Variants in PCDHA1 observed in about 807,000 individuals in gnomAD.
PCDHA1 encodes the protein protocadherin alpha 1.
Under a neutral mutation model 61.3 loss-of-function variants are expected in PCDHA1, and 42 were observed. The ratio of observed to expected loss-of-function variants is 0.69; its 90% CI spans 0.54 to 0.89. The LOEUF (loss-of-function observed/expected upper bound fraction) is 0.89. PCDHA1 is among the 40% of genes least tolerant of loss of function. The pLI, the probability that PCDHA1 is intolerant of heterozygous loss-of-function variation, is 0.00. For synonymous variants in PCDHA1, 610 were observed against 553.8 expected (o/e 1.10, Z -1.43); for missense variants, 1,256 against 1,235.3 (o/e 1.02, Z -0.25).
Position 140,882,245 on chromosome 5 carries a change from G to C in PCDHA1, c.2394+93561G>C, listed in dbSNP as rs376978051. Reference sequence around the variant, plus strand: ...TAAGGCGTTGTATATATTGCAGATAGCTCTGAGGTTTTTGGAGTGTACCAT... The same window carrying C: ...TAAGGCGTTGTATATATTGCAGATACCTCTGAGGTTTTTGGAGTGTACCAT... On this transcript the variant is annotated intron_variant, in intron 1 of 3. Coordinates refer to ENST00000504120, the MANE Select transcript of PCDHA1 (RefSeq NM_018900.4). 82 of 1,592,614 alleles carry C rather than the reference G, an allele frequency of 5.1e-5. No homozygotes were observed. In the African/African-American group the frequency reaches 9.3e-4, roughly 18 times the overall value.
chr5:140,997,100 T>G (rs1286807919), intron 3 of PCDHA1, among the ~76,000 whole-genome samples: 1 of 152,170 alleles, frequency 6.6e-6, no homozygotes, highest in Non-Finnish European at 1.5e-5. Flanking sequence ...AGAGTTCTCA[T>G]GCACTCCTGC....
At chr5:141,001,702 G>C (rs2098033163) in intron 3 of PCDHA1, among the ~76,000 whole-genome samples, 1 of 152,194 alleles carries the variant, frequency 6.6e-6, no homozygotes, top group Non-Finnish European at 1.5e-5. Flanking sequence ...GGCGAAATAG[G>C]GGGCGGGGAA....
intron 1 of PCDHA1, among the ~76,000 whole-genome samples, chr5:140,838,070 T>C (rs1392729176): frequency 1.6e-5 from 2 of 127,666 alleles, no homozygotes; most frequent in Admixed American, 1.8e-4. Flanking sequence ...TTAAGTTATA[T>C]ATATATAGTG....
At chr5:140,899,948 C>A (rs2067639860) in intron 1 of PCDHA1, among the ~76,000 whole-genome samples, 1 of 151,682 alleles carries the variant, frequency 6.6e-6, no homozygotes, top group South Asian at 2.1e-4. Context: ...GCTGGGACCA[C>A]AGGCATGTGC....
chr5:140,911,445 A>C (rs1327839733), intron 1 of PCDHA1, among the ~76,000 whole-genome samples: 1 of 152,184 alleles, frequency 6.6e-6, no homozygotes, highest in Non-Finnish European at 1.5e-5. Context: ...CCGCAATTTC[A>C]GCTCTTTCTC....
At chr5:140,808,990 G>A (rs2879087) in intron 1 of PCDHA1, 28 of 1,613,530 alleles carry the variant, frequency 1.7e-5, no homozygotes, top group South Asian at 8.8e-5. Flanking sequence ...ATGCTGACTC[G>A]GGCTACAACG....
At chr5:140,889,626 TC>T (rs2062301507) in intron 1 of PCDHA1, among the ~76,000 whole-genome samples, 1 of 152,228 alleles carries the variant, frequency 6.6e-6, no homozygotes, top group African/African-American at 2.4e-5. Flanking sequence ...TCATTTCTCT[TC>T]TTTTCATTTG....
At chr5:140,951,685 T>C (rs1305310211) in intron 1 of PCDHA1, among the ~76,000 whole-genome samples, 4 of 152,140 alleles carry the variant, frequency 2.6e-5, no homozygotes, top group African/African-American at 9.7e-5. Flanking sequence ...GGGATTACAA[T>C]GTGACATGAG....
chr5:140,835,847 G>T (rs140727991), intron 1 of PCDHA1: 20 of 1,612,344 alleles, frequency 1.2e-5, no homozygotes, highest in Admixed American at 1.7e-5. Flanking sequence ...AGAAGAACGC[G>T]CTGGTGTCCT....
chr5:141,005,563 A>G (rs938722871), intron 3 of PCDHA1, among the ~76,000 whole-genome samples: 4 of 151,458 alleles, frequency 2.6e-5, no homozygotes, highest in East Asian at 1.9e-4. Context: ...TTAGCCGGGC[A>G]TGGTGGCGCG....
chr5:140,949,277 G>T (rs934497662), intron 1 of PCDHA1, among the ~76,000 whole-genome samples: 2 of 151,734 alleles, frequency 1.3e-5, no homozygotes, highest in African/African-American at 2.4e-5. Context: ...CACTTGAAAA[G>T]AATGTATATT....
chr5:140,843,854 A>G, intron 1 of PCDHA1: 1 of 943,502 alleles, frequency 1.1e-6, no homozygotes, highest in Non-Finnish European at 1.6e-6. Flanking sequence ...ACCTTTTATA[A>G]TTAATTGAAT....
intron 1 of PCDHA1, chr5:140,829,672 G>T: frequency 6.2e-7 from 1 of 1,613,008 alleles, no homozygotes; most frequent in South Asian, 1.1e-5. Context: ...ACCACGAGGA[G>T]CTAGAGCTGC....
intron 3 of PCDHA1, among the ~76,000 whole-genome samples, chr5:141,008,171 G>A (rs1441350888): frequency 6.6e-6 from 1 of 152,148 alleles, no homozygotes; most frequent in African/African-American, 2.4e-5. Flanking sequence ...GGACTAAAAT[G>A]TGACCATTGA....
chr5:140,884,014 G>T, intron 1 of PCDHA1: 2 of 1,613,168 alleles, frequency 1.2e-6, no homozygotes, highest in Non-Finnish European at 1.7e-6. Context: ...AGCTGATGCC[G>T]CGGTCGGTGG....
chr5:140,934,611 C>T (rs1346764744), intron 1 of PCDHA1, among the ~76,000 whole-genome samples: 2 of 151,950 alleles, frequency 1.3e-5, no homozygotes, highest in Non-Finnish European at 2.9e-5. Context: ...TTTGATTAGC[C>T]TGAGGTACAG....
chr5:140,999,027 T>A (rs2097843534), intron 3 of PCDHA1, among the ~76,000 whole-genome samples: 1 of 152,262 alleles, frequency 6.6e-6, no homozygotes, highest in Admixed American at 6.5e-5. Flanking sequence ...AGACTTTTGA[T>A]ACTTCGTCCA....
At chr5:140,969,593 T>C (rs2153780223) in intron 1 of PCDHA1, 1 of 829,524 alleles carries the variant, frequency 1.2e-6, no homozygotes, top group Non-Finnish European at 1.8e-6. Context: ...AGTCTTAATA[T>C]TTAATGCTAA....
At chr5:140,926,165 T>A (rs570168495) in intron 1 of PCDHA1, among the ~76,000 whole-genome samples, 31 of 151,794 alleles carry the variant, frequency 2.0e-4, no homozygotes, top group Admixed American at 1.5e-3. Flanking sequence ...TGCAGCAGGA[T>A]CCAGCGCGGA....
Sources: gnomAD v4.1 joint callset for allele counts (sites outside exome capture counted in the v4.1 genomes callset) on GRCh38, gnomAD v4.1.1 for gene constraint, MANE v1.5 for transcripts, NCBI Gene and HGNC (gene_info 2026-07-23, HGNC 2026-07-21) for gene names.